The following FBXL7 variants were observed in gnomAD, a reference collection of about 807,000 sequenced individuals.
The protein encoded by FBXL7 is F-box and leucine rich repeat protein 7, also known as F-box/LRR-repeat protein 7.
Under a neutral mutation model 38.3 loss-of-function variants are expected in FBXL7, and 12 were observed. The ratio of observed to expected loss-of-function variants is 0.31; its 90% CI spans 0.20 to 0.51. The LOEUF (loss-of-function observed/expected upper bound fraction) is 0.51, where lower values mean the gene tolerates loss of function less well. Ranked by LOEUF, FBXL7 falls within the 20% of genes least tolerant of loss-of-function variation. The probability of loss-of-function intolerance (pLI) is 0.98; values close to 1 mark genes in which losing one functional copy is unlikely to be tolerated. For synonymous variants in FBXL7, 297 were observed against 300.9 expected (o/e 0.99, Z 0.13); for missense variants, 567 against 676.4 (o/e 0.84, Z 1.79).
chr5:15,704,270 A>G (rs773626168), intron 2 of FBXL7, among the ~76,000 whole-genome samples: 17 of 152,214 alleles, frequency 1.1e-4, no homozygotes, highest in Non-Finnish European at 2.4e-4. Context: ...CAGCTCCCTC[A>G]TCTGTTAATA....
At chr5:15,934,911 A>G (rs1169404164) in intron 3 of FBXL7, among the ~76,000 whole-genome samples, 1 of 152,248 alleles carries the variant, frequency 6.6e-6, no homozygotes, top group East Asian at 1.9e-4. Context: ...GCAAATAAAT[A>G]AGTGAATAAA....
At chr5:15,781,135 T>C (rs11953097) in intron 2 of FBXL7, among the ~76,000 whole-genome samples, 17,180 of 152,112 alleles carry the variant, frequency 0.11, 1,149 homozygotes, top group African/African-American at 0.18. Context: ...ACAGAGGACA[T>C]GAGGATGGAT....
chr5:15,834,497 T>C (rs1459491889), intron 2 of FBXL7, among the ~76,000 whole-genome samples: 1 of 152,232 alleles, frequency 6.6e-6, no homozygotes, highest in Non-Finnish European at 1.5e-5. Context: ...TTTTTAAACT[T>C]TGAAAATTAT....
At chr5:15,807,995 G>A (rs1401190450) in intron 2 of FBXL7, among the ~76,000 whole-genome samples, 2 of 152,162 alleles carry the variant, frequency 1.3e-5, no homozygotes, top group Non-Finnish European at 2.9e-5. Context: ...ACAGGGCTCT[G>A]CCTGTCCACT....
intron 2 of FBXL7, among the ~76,000 whole-genome samples, chr5:15,762,902 A>T (rs951751200): frequency 6.6e-6 from 1 of 152,192 alleles, no homozygotes; most frequent in East Asian, 1.9e-4. Flanking sequence ...TTATTGCTTT[A>T]TGCTGATATA....
rs144836206 is a variant in FBXL7 at position 15,623,074 on chromosome 5, A to G, written c.127+7002A>G. Among the ~76,000 whole-genome samples the G allele has an allele frequency of 3.9e-5, 6 of 152,296 alleles. No individual in the cohort carries two copies. In the East Asian group the frequency reaches 1.2e-3, roughly 30 times the overall value. ...GGTTGGTGCAGTATTGTTTCGATCA[A>G]ATTAGAAAAAACATAACTTTCGCTA... is the stretch of plus-strand genomic sequence containing the variant. On this transcript the variant is annotated intron_variant, in intron 2 of 3. Transcript: ENST00000504595.
chr5:15,936,737 C>A lies in FBXL7; in HGVS notation c.1027C>A (p.Arg343=), dbSNP rs375745885. Residue 343 remains arginine (R), a synonymous_variant, in exon 4 of 4, where the codon CGG becomes AGG. Coordinates refer to ENST00000504595, the MANE Select transcript of FBXL7 (RefSeq NM_012304.5). This position sits in a 1 kb window ranked among gnomAD's most constrained non-coding sequence, Gnocchi z 6.0. ...DCRFVSDFGL[R]EIAKLESRLR... ...CCGCTTCGTCAGCGACTTCGGCCTGCGGGAGATCGCCAAGCTGGAGTCCCG... is the reference window on the plus strand; with the variant it reads ...CCGCTTCGTCAGCGACTTCGGCCTGAGGGAGATCGCCAAGCTGGAGTCCCG... The A allele has an allele frequency of 1.9e-6, 3 of 1,608,736 alleles. No individual in the cohort carries two copies. The South Asian group carries it at 3.3e-5, about 18-fold the overall frequency.
chr5:15,615,936 G>A (rs1280727626), intron 1 of FBXL7, 47 bp from the exon 2 acceptor site: 1 of 1,339,272 alleles, frequency 7.5e-7, no homozygotes, highest in Non-Finnish European at 1.1e-6. Context: ...CATGGTCCAG[G>A]TCTGAAATTA....
At chr5:15,603,531 C>T (rs1580397980) in intron 1 of FBXL7, among the ~76,000 whole-genome samples, 2 of 152,202 alleles carry the variant, frequency 1.3e-5, no homozygotes, top group Non-Finnish European at 2.9e-5. Context: ...ACTTCTGGCT[C>T]CATGCCCTCC....
intron 2 of FBXL7, among the ~76,000 whole-genome samples, chr5:15,826,245 T>C (rs116526838): frequency 6.6e-6 from 1 of 152,206 alleles, no homozygotes; most frequent in African/African-American, 2.4e-5. Context: ...CTAGAGAGAG[T>C]TCACATTTGA....
intron 1 of FBXL7, among the ~76,000 whole-genome samples, chr5:15,588,588 T>C (rs919843497): frequency 2.6e-5 from 4 of 152,140 alleles, no homozygotes; most frequent in African/African-American, 9.7e-5. Context: ...GGTTTCAGCA[T>C]GTTGGCTAGG....
chr5:15,857,452 A>G (rs1349831477), intron 2 of FBXL7, among the ~76,000 whole-genome samples: 2 of 152,172 alleles, frequency 1.3e-5, no homozygotes, highest in East Asian at 1.9e-4. Context: ...TGAGAGGCTG[A>G]GCCACCATTA....
intron 2 of FBXL7, among the ~76,000 whole-genome samples, chr5:15,822,622 C>CT (rs371800054): frequency 0.31 from 41,124 of 131,626 alleles, 6,850 homozygotes; most frequent in African/African-American, 0.41. Flanking sequence ...GCTGGTTGCT[C>CT]TTTTTTTTTT....
chr5:15,816,246 G>T (rs1247637836), intron 2 of FBXL7, among the ~76,000 whole-genome samples: 1 of 128,454 alleles, frequency 7.8e-6, no homozygotes, highest in African/African-American at 2.8e-5. Context: ...GAAAAAATCT[G>T]GTATGTATAT....
At chr5:15,883,452 A>G (rs780122841) in intron 2 of FBXL7, among the ~76,000 whole-genome samples, 2 of 152,186 alleles carry the variant, frequency 1.3e-5, no homozygotes, top group African/African-American at 4.8e-5. Flanking sequence ...GATTTCCCAC[A>G]TGTTGGTTTC....
In FBXL7 at chr5:15,901,254, GT is replaced by G. The variant is rs539715157; in HGVS notation, c.128-26635del. Among the ~76,000 whole-genome samples the G allele has an allele frequency of 5.8e-3, 882 of 152,284 alleles. 3 individuals are homozygous for G. The highest frequency in any genetic ancestry group is 1.0e-2 in the Non-Finnish European group (679 of 68,020). ...TCCAAAATCAAGCCTCTGCAGATTG[GT>G]GCCTGGTGGGGGCCTGCTTTTTGAT... On this transcript the variant is annotated intron_variant, in intron 2 of 3. Transcript: ENST00000504595.
intron 2 of FBXL7, among the ~76,000 whole-genome samples, chr5:15,716,398 CA>C (rs1561097520): frequency 6.6e-6 from 1 of 152,192 alleles, no homozygotes; most frequent in East Asian, 1.9e-4. Context: ...CCTGGCTTGC[CA>C]AACACAATTC....
intron 2 of FBXL7, among the ~76,000 whole-genome samples, chr5:15,765,796 G>A (rs1342657926): frequency 1.3e-5 from 2 of 152,028 alleles, no homozygotes; most frequent in African/African-American, 4.8e-5. Context: ...TCACCTTCGG[G>A]TATCTCAAAC....
At chr5:15,790,632 T>C (rs1040137611) in intron 2 of FBXL7, among the ~76,000 whole-genome samples, 1 of 152,206 alleles carries the variant, frequency 6.6e-6, no homozygotes, top group Non-Finnish European at 1.5e-5. Context: ...TTCCTCTTTC[T>C]CTTACAAATA....
Sources: allele counts gnomAD v4.1 joint callset (sites outside exome capture counted in the v4.1 genomes callset), GRCh38; gene constraint gnomAD v4.1.1; non-coding constraint Gnocchi (gnomAD v3.1); transcripts MANE v1.5; gene names NCBI Gene and HGNC (gene_info 2026-07-23, HGNC 2026-07-21).